Variants in MAPK12 observed in about 807,000 individuals in gnomAD.
The protein encoded by MAPK12 is mitogen-activated protein kinase 12, also known as MAP kinase 12.
Under a neutral mutation model 49.1 loss-of-function variants are expected in MAPK12, and 49 were observed. The ratio of observed to expected loss-of-function variants is 1.00; its 90% CI spans 0.79 to 1.27. The LOEUF (loss-of-function observed/expected upper bound fraction) is 1.27. Ranked by LOEUF, MAPK12 falls within the 50% of genes most tolerant of loss-of-function variation. The probability of loss-of-function intolerance (pLI) is 0.00; values close to 1 mark genes in which losing one functional copy is unlikely to be tolerated. For missense variants in MAPK12, 554 were observed against 502.4 expected (o/e 1.10, Z -0.98); for synonymous variants, 251 against 209.7 (o/e 1.20, Z -1.70).
At chr22:50,260,243 TGG>T (rs2065197284) in intron 2 of MAPK12, among the ~76,000 whole-genome samples, 3 of 17,282 alleles carry the variant, frequency 1.7e-4, no homozygotes, top group African/African-American at 6.6e-4. Flanking sequence ...ACTTTGCTGG[TGG>T]ACGGGGCACT....
intron 5 of MAPK12, 101 bp from the exon 6 acceptor site, chr22:50,256,747 C>T (rs1170939534): frequency 1.3e-6 from 2 of 1,525,614 alleles, no homozygotes; most frequent in Non-Finnish European, 1.8e-6. Context: ...CGGACCTGGC[C>T]CCCTTGCTCT....
chr22:50,254,878 G>C (rs1183512583), intron 11 of MAPK12: 1 of 1,242,768 alleles, frequency 8.0e-7, no homozygotes, highest in Admixed American at 3.5e-5. Flanking sequence ...GCCAGCCTCT[G>C]TGCTGAGCCT....
chr22:50,259,939 A>C, intron 2 of MAPK12, among the ~76,000 whole-genome samples: 1 of 125,968 alleles, frequency 7.9e-6, no homozygotes, highest in East Asian at 2.7e-4. Flanking sequence ...GGGGCAAGGC[A>C]CGGGTGGGTG....
Position 50,261,152 on chromosome 22 carries a change from G to T in MAPK12, c.255+15C>A. On this transcript the variant is annotated intron_variant, in intron 2 of 11. Coordinates refer to ENST00000215659, the MANE Select transcript of MAPK12 (RefSeq NM_002969.6). The stretch of plus-strand genomic sequence containing the variant: ...AGGCCGCGGCGCCTTCCCGGAGCGG[G>T]GCCGCGCGACTCACGTTCTCGTGGC... 1 of 1,574,338 alleles carries T rather than the reference G, an allele frequency of 6.4e-7. No homozygotes were observed. The highest frequency in any genetic ancestry group is 8.6e-7 in the Non-Finnish European group (1 of 1,159,966).
At chr22:50,254,761 T>C in intron 11 of MAPK12, 6 of 1,099,696 alleles carry the variant, frequency 5.5e-6, no homozygotes, top group Non-Finnish European at 6.7e-6. Context: ...CCCAGGTCTC[T>C]GGCCTGGACA....
chr22:50,258,359 CAA>C, intron 2 of MAPK12, 58 bp from the exon 3 acceptor site: 1 of 1,429,130 alleles, frequency 7.0e-7, no homozygotes, highest in East Asian at 2.3e-5. Flanking sequence ...GGGCACCCCC[CAA>C]GAGTGGCACA....
intron 11 of MAPK12, 137 bp downstream of exon 11, chr22:50,255,060 C>T (rs1456644374): frequency 1.9e-5 from 29 of 1,509,120 alleles, no homozygotes; most frequent in Non-Finnish European, 2.3e-5. Context: ...AGGGTCCACA[C>T]AGGCCCTACC....
rs777922665 is a variant in MAPK12, at chr22:50,257,178, C to T, written c.330G>A (p.Pro110=). ...DDFTDFYLVM[P]FMGTDLGKLM... The stretch of plus-strand genomic sequence containing the variant: ...GCTTGCCCAGGTCGGTGCCCATGAA[C>T]GGCATCACCAGGTAACTGTGGGAGG... Residue 110 remains proline, a synonymous_variant, in exon 4 of 12, where the codon CCG becomes CCA. Coordinates refer to ENST00000215659, the MANE Select transcript of MAPK12 (RefSeq NM_002969.6). 12 of 1,612,416 alleles carry T rather than the reference C, an allele frequency of 7.4e-6. No individual in the cohort carries two copies. The South Asian group carries it at 9.9e-5, about 13-fold the overall frequency.
Position 50,253,285 on chromosome 22 carries a change from G to T in MAPK12, c.*116C>A. On this transcript the variant is annotated 3_prime_UTR_variant, in exon 12 of 12. Coordinates refer to ENST00000215659, the MANE Select transcript of MAPK12 (RefSeq NM_002969.6). ...GAGGGTCCATGGAACCCGGGCGTCT[G>T]CTCTGATGGATGCCTTGGGATGCAA... 1 of 788,822 alleles carries T rather than the reference G, an allele frequency of 1.3e-6. No individual in the cohort carries two copies. The allele number at this position is 788,822 out of a possible 1,614,324, so 48.9% of individuals were successfully genotyped here. A position where few individuals can be genotyped will look rare whatever the true frequency, so the allele number is the denominator to read the frequency against.
intron 5 of MAPK12, 108 bp downstream of exon 5, chr22:50,256,827 G>C (rs2147257938): frequency 6.5e-7 from 1 of 1,535,164 alleles, no homozygotes; most frequent in Middle Eastern, 1.8e-4. Flanking sequence ...GCTGTGCATA[G>C]GGCGTGGCTC....
rs752718597 is a variant in MAPK12 at position 50,255,381 on chromosome 22, A to G, written c.851-11T>C. ...CCAGGAGGTTCACAGCTGCGGGGGA[A>G]GGTGCATCAGGCCAGACCACGGGAG... On this transcript the variant is annotated splice_polypyrimidine_tract_variant and intron_variant, in intron 10 of 11. Transcript: ENST00000215659. The G allele has an allele frequency of 4.3e-6, 7 of 1,612,930 alleles. 1 individual carries two copies. In the South Asian group the frequency reaches 5.5e-5, roughly 13 times the overall value.
rs751003209 is a variant in MAPK12, at chr22:50,261,255, T to C, written c.167A>G (p.Lys56Arg). The C allele has an allele frequency of 9.6e-6, 15 of 1,567,286 alleles. No individual in the cohort carries two copies. Among genetic ancestry groups the C allele is most frequent in the African/African-American group, 2.8e-5 (2 of 72,008 alleles). The change falls in exon 2 of 12, where the codon AAG (lysine) becomes AGG (arginine). Residue 56 changes from lysine to arginine, a missense_variant. Coordinates refer to ENST00000215659, the MANE Select transcript of MAPK12 (RefSeq NM_002969.6). Reference sequence around the variant, plus strand: ...GGACTGGAAAGGCCGATACAGCTTCTTGATGGCCACCTTAGCGCCGGTGCG... The same window carrying C: ...GGACTGGAAAGGCCGATACAGCTTCCTGATGGCCACCTTAGCGCCGGTGCG... ...DGRTGAKVAI[K>R]KLYRPFQSEL...
Position 50,257,159 on chromosome 22 carries a change from C to G in MAPK12, c.349G>C (p.Gly117Arg). 2 of 1,612,844 alleles carry G rather than the reference C, an allele frequency of 1.2e-6. No homozygotes were observed. Among genetic ancestry groups the G allele is most frequent in the Non-Finnish European group, 1.7e-6 (2 of 1,179,924 alleles). Residue 117 changes from glycine to arginine, a missense_variant, in exon 4 of 12, where the codon GGC becomes CGC. Gly to Arg is a moderately radical substitution (Grantham distance 125). Transcript: ENST00000215659. ...LVMPFMGTDL[G>R]KLMKHEKLGE... ...AGCTTCTCATGTTTCATGAGCTTGCCCAGGTCGGTGCCCATGAACGGCATC... is the reference window on the plus strand; with the variant it reads ...AGCTTCTCATGTTTCATGAGCTTGCGCAGGTCGGTGCCCATGAACGGCATC...
chr22:50,259,322 G>A (rs936774492), intron 2 of MAPK12, among the ~76,000 whole-genome samples: 1 of 152,136 alleles, frequency 6.6e-6, no homozygotes. Flanking sequence ...AGAAGACGGA[G>A]AGCAGGGTCC....
chr22:50,256,899 G>A, intron 5 of MAPK12, 36 bp downstream of exon 5: 2 of 1,600,668 alleles, frequency 1.2e-6, no homozygotes, highest in Non-Finnish European at 1.7e-6. Flanking sequence ...TTGCACTGGG[G>A]GAGGGCTGAT....
rs200619481 is a variant in MAPK12, at chr22:50,257,157, G to A, written c.351C>T (p.Gly117=). ...CTAGCTTCTCATGTTTCATGAGCTT[G>A]CCCAGGTCGGTGCCCATGAACGGCA... ...LVMPFMGTDL[G]KLMKHEKLGE... Residue 117 remains glycine (G), a synonymous_variant, in exon 4 of 12, where the codon GGC becomes GGT. Transcript: ENST00000215659. 1.9e-6 allele frequency: 3 copies of A among 1,612,802 alleles called. No homozygotes were observed. Among genetic ancestry groups the A allele is most frequent in the Non-Finnish European group, 2.5e-6 (3 of 1,179,928 alleles).
rs1048129008 is a variant in MAPK12 at position 50,256,757 on chromosome 22, T to C, written c.457-111A>G. The C allele has an allele frequency of 1.8e-5, 28 of 1,519,956 alleles. No homozygotes were observed. The African/African-American group carries it at 3.5e-4, about 19-fold the overall frequency. The allele number at this position is 1,519,956 out of a possible 1,614,324, so 94.2% of individuals were successfully genotyped here. ...GCCACCGGACCTGGCCCCCTTGCTC[T>C]CTGCAGCCCTTCAAGGGCAGACCAA... On this transcript the variant is annotated intron_variant, in intron 5 of 11. Transcript: ENST00000215659.
At position 50,261,478 on chromosome 22, in the gene MAPK12, A is replaced by G; in HGVS notation, c.32T>C (p.Phe11Ser). Reference sequence around the variant, plus strand: ...CGTCTTGGTCACCTCCTGGCGGTAAAAGCCACTGCGGGCGGGCGGCGGAGA... The same window carrying G: ...CGTCTTGGTCACCTCCTGGCGGTAAGAGCCACTGCGGGCGGGCGGCGGAGA... MSSPPPARSG[F>S]YRQEVTKTAW... The change falls in exon 1 of 12, where the codon TTT becomes TCT. Residue 11 changes from phenylalanine to serine, a missense_variant. Transcript: ENST00000215659. The G allele has an allele frequency of 7.1e-6, 9 of 1,268,684 alleles. No individual in the cohort carries two copies. Among genetic ancestry groups the G allele is most frequent in the Non-Finnish European group, 9.2e-6 (9 of 983,458 alleles). 78.6% of individuals were successfully genotyped at this position (1,268,684 alleles called of 1,614,324 possible). A position where few individuals can be genotyped will look rare whatever the true frequency, so the allele number is the denominator to read the frequency against.
chr22:50,261,087 G>C, intron 2 of MAPK12, 80 bp downstream of exon 2: 1 of 1,403,758 alleles, frequency 7.1e-7, no homozygotes, highest in Non-Finnish European at 9.4e-7. Context: ...TGGAGGAGGG[G>C]TTGCCGGGTG....
Sources: gnomAD v4.1 joint callset for allele counts (sites outside exome capture counted in the v4.1 genomes callset) on GRCh38, gnomAD v4.1.1 for gene constraint, MANE v1.5 for transcripts, NCBI Gene and HGNC (gene_info 2026-07-23, HGNC 2026-07-21) for gene names.